PCDHGA2: variants seen among roughly 807,000 people sequenced by gnomAD.
PCDHGA2 encodes protocadherin gamma-A2.
A neutral mutation model predicts 59.2 loss-of-function variants in PCDHGA2; 40 were observed. That is an observed-to-expected ratio of 0.68 (90% CI 0.52 to 0.88). The LOEUF is 0.88. PCDHGA2 is among the 40% of genes least tolerant of loss of function. PCDHGA2 has a pLI of 0.00. For missense variants in PCDHGA2, 1,226 were observed against 1,204.0 expected (o/e 1.02, Z -0.27); for synonymous variants, 560 against 526.0 (o/e 1.06, Z -0.89).
chr5:141,388,335 C>A (rs67622091), intron 1 of PCDHGA2: 89,774 of 1,613,756 alleles, frequency 0.056, 3,043 homozygotes, highest in African/African-American at 0.15. Context: ...GCCTGGCACA[C>A]GATTTATATT....
intron 1 of PCDHGA2, among the ~76,000 whole-genome samples, chr5:141,494,568 C>T (rs2099755322): frequency 6.6e-6 from 1 of 152,138 alleles, no homozygotes; most frequent in African/African-American, 2.4e-5. Context: ...GGAAAGGAGT[C>T]TCAGCTTGCT....
chr5:141,427,429 G>A (rs2097025761), intron 1 of PCDHGA2: 1 of 471,078 alleles, frequency 2.1e-6, no homozygotes, highest in African/African-American at 2.0e-5. Flanking sequence ...GAGGTTACAT[G>A]CCTCATAAAC....
intron 1 of PCDHGA2, chr5:141,345,464 G>A: frequency 6.2e-7 from 1 of 1,614,106 alleles, no homozygotes; most frequent in Non-Finnish European, 8.5e-7. Flanking sequence ...TGACAGCCCA[G>A]GACCCAGATA....
chr5:141,479,050 C>G (rs1484021560), intron 1 of PCDHGA2, among the ~76,000 whole-genome samples: 1 of 152,164 alleles, frequency 6.6e-6, no homozygotes, highest in South Asian at 2.1e-4. Context: ...ACCTCATTCT[C>G]AGATAATTTT....
intron 1 of PCDHGA2, chr5:141,364,802 C>A (rs1312102403): frequency 6.8e-6 from 11 of 1,613,888 alleles, no homozygotes; most frequent in African/African-American, 5.3e-5. Flanking sequence ...TCCCTTCGCG[C>A]GGGATGCGGA....
At position 141,382,875 on chromosome 5, in the gene PCDHGA2, C is replaced by T. The variant is rs531192742; in HGVS notation, c.2424+41480C>T. On this transcript the variant is annotated intron_variant, in intron 1 of 3. Transcript: ENST00000394576. ...TCTGAAGCACTTCCCGAGATCGGCG[C>T]CTAAGCAAGAGAAGCAGGACGACTA... 5 of 1,524,466 alleles carry T rather than the reference C, an allele frequency of 3.3e-6. No individual in the cohort carries two copies. In the East Asian group the frequency reaches 1.1e-4, roughly 35 times the overall value. The allele number at this position is 1,524,466 out of a possible 1,614,324, so 94.4% of individuals were successfully genotyped here. A position where few individuals can be genotyped will look rare whatever the true frequency, so the allele number is the denominator to read the frequency against.
At chr5:141,376,160 C>G in intron 1 of PCDHGA2, 1 of 1,614,010 alleles carries the variant, frequency 6.2e-7, no homozygotes, top group South Asian at 1.1e-5. Context: ...CACTCTGTAC[C>G]TGGTGGTGGC....
At chr5:141,422,900 A>G (rs2096684887) in intron 1 of PCDHGA2, 2 of 1,614,220 alleles carry the variant, frequency 1.2e-6, no homozygotes, top group South Asian at 2.2e-5. Flanking sequence ...GACCAGAACG[A>G]CAATGCGCCC....
chr5:141,413,932 G>T (rs762255781), intron 1 of PCDHGA2: 2 of 1,613,426 alleles, frequency 1.2e-6, no homozygotes, highest in Admixed American at 1.7e-5. Context: ...AGAATACCGA[G>T]TGAGTGTTCC....
At chr5:141,370,833 C>T (rs1305609320) in intron 1 of PCDHGA2, 4 of 1,613,946 alleles carry the variant, frequency 2.5e-6, no homozygotes, top group Non-Finnish European at 8.5e-7. Context: ...CGAACTGGCT[C>T]TCACTGGAGC....
intron 1 of PCDHGA2, chr5:141,394,857 G>A: frequency 6.2e-7 from 1 of 1,613,832 alleles, no homozygotes; most frequent in Non-Finnish European, 8.5e-7. Context: ...GAAGCCTTCG[G>A]TCGACCCGAA....
intron 1 of PCDHGA2, chr5:141,419,479 C>T (rs764891283): frequency 6.2e-7 from 1 of 1,612,390 alleles, no homozygotes; most frequent in Non-Finnish European, 8.5e-7. Context: ...AGGGCTCGCC[C>T]GCGCTCAGCG....
At chr5:141,480,198 G>A (rs1280951298) in intron 1 of PCDHGA2, among the ~76,000 whole-genome samples, 2 of 150,780 alleles carry the variant, frequency 1.3e-5, no homozygotes, top group African/African-American at 4.9e-5. Flanking sequence ...GAGGCCAGCA[G>A]TTCAAGACCA....
chr5:141,418,819 A>T (rs1285247926), intron 1 of PCDHGA2: 1 of 1,613,868 alleles, frequency 6.2e-7, no homozygotes, highest in African/African-American at 1.3e-5. Context: ...TAAACATAGA[A>T]GCAAAAGACC....
intron 1 of PCDHGA2, chr5:141,362,032 G>A (rs909384005): frequency 4.3e-6 from 7 of 1,609,448 alleles, no homozygotes; most frequent in Non-Finnish European, 5.9e-6. Flanking sequence ...GCGTGCCTTG[G>A]GCGACAGGGA....
At chr5:141,355,419 G>A in intron 1 of PCDHGA2, 1 of 1,614,042 alleles carries the variant, frequency 6.2e-7, no homozygotes, top group South Asian at 1.1e-5. Flanking sequence ...GTAGGACGCA[G>A]CTTTTCGCCC....
chr5:141,383,267 T>G (rs1428207205), intron 1 of PCDHGA2: 1 of 1,613,726 alleles, frequency 6.2e-7, no homozygotes, highest in East Asian at 2.2e-5. Context: ...GACGTGGAAA[T>G]AATAGATATT....
intron 1 of PCDHGA2, chr5:141,342,290 G>A (rs1406697850): frequency 2.0e-5 from 3 of 152,130 alleles, no homozygotes; most frequent in Non-Finnish European, 4.4e-5. Context: ...ATAGCTGCTA[G>A]AAATGTTCCC....
At chr5:141,401,368 A>G (rs2094146364) in intron 1 of PCDHGA2, among the ~76,000 whole-genome samples, 3 of 152,186 alleles carry the variant, frequency 2.0e-5, no homozygotes, top group Admixed American at 2.0e-4. Flanking sequence ...GAAGGAGAGG[A>G]AGAAGAAGAA....
Sources: gnomAD v4.1 joint callset for allele counts (sites outside exome capture counted in the v4.1 genomes callset) on GRCh38, gnomAD v4.1.1 for gene constraint, MANE v1.5 for transcripts, NCBI Gene and HGNC (gene_info 2026-07-23, HGNC 2026-07-21) for gene names.